The following TRPM2 variants were observed in gnomAD, a reference collection of about 807,000 sequenced individuals.
The protein encoded by TRPM2 is transient receptor potential cation channel subfamily M member 2, also known as estrogen-responsive element-associated gene 1 protein.
TRPM2 carries 161 observed loss-of-function variants against 174.0 expected under a neutral mutation model. The ratio of observed to expected loss-of-function variants is 0.93; its 90% CI spans 0.81 to 1.05. The LOEUF is 1.05. TRPM2 is among the 50% of genes least tolerant of loss of function. The probability of loss-of-function intolerance (pLI) is 0.00; values close to 1 mark genes in which losing one functional copy is unlikely to be tolerated. For missense variants in TRPM2, 2,057 were observed against 2,038.0 expected (o/e 1.01, Z -0.18); for synonymous variants, 954 against 861.3 (o/e 1.11, Z -1.88).
chr21:44,370,242 G>A (rs1387510315), intron 5 of TRPM2, among the ~76,000 whole-genome samples: 1 of 152,140 alleles, frequency 6.6e-6, no homozygotes, highest in Admixed American at 6.5e-5. Context: ...AGGGCGATCC[G>A]ACCCCGAACC....
intron 15 of TRPM2, 88 bp downstream of exon 15, chr21:44,400,459 C>T (rs2049580932): frequency 1.8e-6 from 2 of 1,129,594 alleles, no homozygotes; most frequent in African/African-American, 1.5e-5. Flanking sequence ...CCTAGATCCC[C>T]TCGCTGGGAG....
At chr21:44,433,866 G>A (rs2051124774) in intron 27 of TRPM2, among the ~76,000 whole-genome samples, 1 of 152,204 alleles carries the variant, frequency 6.6e-6, no homozygotes, top group African/African-American at 2.4e-5. Flanking sequence ...GAGGTGTGAC[G>A]AGAGCTGGGA....
chr21:44,397,976 TG>T, intron 13 of TRPM2, 100 bp downstream of exon 13: 2 of 1,366,400 alleles, frequency 1.5e-6, no homozygotes, highest in Non-Finnish European at 9.6e-7. Flanking sequence ...GCCCTCACCC[TG>T]GGGTCCTCGT....
At chr21:44,405,646 A>T (rs2065552367) in intron 17 of TRPM2, among the ~76,000 whole-genome samples, 1 of 152,110 alleles carries the variant, frequency 6.6e-6, no homozygotes, top group African/African-American at 2.4e-5. Flanking sequence ...TCTCGGAGGC[A>T]ATAGGGCCCT....
chr21:44,364,759 G>T (rs1380389354), intron 3 of TRPM2, among the ~76,000 whole-genome samples: 1 of 152,228 alleles, frequency 6.6e-6, no homozygotes, highest in African/African-American at 2.4e-5. Context: ...GAGAGTCCTT[G>T]CGAGGAGTCT....
intron 20 of TRPM2, among the ~76,000 whole-genome samples, chr21:44,417,580 GGGCGTGGCTCTGCTCTCTGT>G: frequency 9.5e-6 from 1 of 105,206 alleles, no homozygotes; most frequent in African/African-American, 4.0e-5. Flanking sequence ...GTGGGCACGT[GGGCGTGGCTCTGCTCTCTGT>G]GGCATCACAG....
chr21:44,423,692 C>A lies in TRPM2; in HGVS notation c.3509C>A (p.Ser1170Ter). 1.2e-6 allele frequency: 2 copies of A among 1,612,418 alleles called. No individual in the cohort carries two copies. The highest frequency in any genetic ancestry group is 3.3e-4 in the Middle Eastern group (2 of 6,044). The stretch of plus-strand genomic sequence containing the variant: ...CTGGACCTGGACCCACTGAAGAGGT[C>A]GGGCTCCATGGAGCAGAGGTTGGCC... ...DLLDLDPLKR[S>*]GSMEQRLASL... Residue 1170 changes from serine to a stop codon, truncating the protein, a stop_gained, in exon 23 of 32, where the codon TCG (serine) becomes TAG (stop). Coordinates refer to ENST00000397928, the MANE Select transcript of TRPM2 (RefSeq NM_003307.4). LOFTEE classifies it high-confidence loss of function.
chr21:44,378,994 C>T lies in TRPM2; in HGVS notation c.1015-3C>T. ...CGGGCTCACACCCCCACCTGCCTTG[C>T]AGACCATCGACAACGCCACCACCAA... is the stretch of plus-strand genomic sequence containing the variant. On this transcript the variant is annotated splice_polypyrimidine_tract_variant and splice_region_variant and intron_variant, in intron 7 of 31. Transcript: ENST00000397928. The T allele has an allele frequency of 6.2e-7, 1 of 1,603,242 alleles. No individual in the cohort carries two copies.
chr21:44,418,869 G>A (rs1236447859), intron 22 of TRPM2, among the ~76,000 whole-genome samples: 1 of 152,218 alleles, frequency 6.6e-6, no homozygotes, highest in East Asian at 1.9e-4. Context: ...GGGGGCATGT[G>A]CACACGGGGT....
Position 44,391,622 on chromosome 21 carries a change from C to G in TRPM2, c.1791C>G (p.Leu597=). 1.9e-6 allele frequency: 3 copies of G among 1,571,922 alleles called. No homozygotes were observed. Among genetic ancestry groups the G allele is most frequent in the Non-Finnish European group, 2.6e-6 (3 of 1,165,590 alleles). The change falls in exon 11 of 32, where the codon CTC becomes CTG. Residue 597 remains leucine (L), a synonymous_variant. Coordinates refer to ENST00000397928, the MANE Select transcript of TRPM2 (RefSeq NM_003307.4). The surrounding 1 kb of genome is among the most constrained non-coding windows in gnomAD (Gnocchi z 5.0). The part of the protein sequence containing the change: ...RLLLPVPHVK[L]NVQGVSLRSL... Reference sequence around the variant, plus strand: ...TGCTGCCCGTTCCCCACGTCAAGCTCAACGTGCGTGCTGGTAACGGGGCCC... The same window carrying G: ...TGCTGCCCGTTCCCCACGTCAAGCTGAACGTGCGTGCTGGTAACGGGGCCC...
chr21:44,400,539 G>C (rs1251423599), intron 15 of TRPM2, among the ~76,000 whole-genome samples, 168 bp downstream of exon 15: 1 of 152,220 alleles, frequency 6.6e-6, no homozygotes, highest in Non-Finnish European at 1.5e-5. Context: ...AGCAGAGCAG[G>C]GCCCCACGTG....
chr21:44,360,568 CTTT>C (rs34605236), intron 2 of TRPM2, among the ~76,000 whole-genome samples: 25 of 130,520 alleles, frequency 1.9e-4, no homozygotes, highest in Non-Finnish European at 2.3e-4. Context: ...AGTTTTATGT[CTTT>C]TTTTTTTTTT....
At chr21:44,433,316 GCTT>G (rs1257271904) in intron 27 of TRPM2, among the ~76,000 whole-genome samples, 1 of 152,238 alleles carries the variant, frequency 6.6e-6, no homozygotes, top group Non-Finnish European at 1.5e-5. Context: ...TCCTCTGTGA[GCTT>G]CTTGACCAAT....
chr21:44,394,740 C>T lies in TRPM2; in HGVS notation c.1795-674C>T, dbSNP rs139686066. On this transcript the variant is annotated intron_variant, in intron 11 of 31. Transcript: ENST00000397928. ...AGCAGAAGCTCAGGCTTATCTGTAC[C>T]TGTGGTTTAGGAAGAAAAACACATT... Among the ~76,000 whole-genome samples the T allele has an allele frequency of 5.3e-5, 8 of 152,292 alleles. No individual in the cohort carries two copies. The East Asian group carries it at 1.5e-3, about 29-fold the overall frequency.
chr21:44,437,257 GC>G (rs759163893), intron 29 of TRPM2, 90 bp downstream of exon 29: 132 of 1,072,944 alleles, frequency 1.2e-4, no homozygotes, highest in Non-Finnish European at 1.7e-4. Context: ...CTGGACACCA[GC>G]CCCCTGCAGC....
At chr21:44,437,030 G>A (rs1261587401) in intron 28 of TRPM2, 32 bp from the exon 29 acceptor site, 1 of 1,543,844 alleles carries the variant, frequency 6.5e-7, no homozygotes, top group Non-Finnish European at 8.7e-7. Context: ...GCCGCAGCGG[G>A]TCCTGGGCAG....
chr21:44,410,608 C>T (rs999706191), intron 19 of TRPM2, among the ~76,000 whole-genome samples: 6 of 70,080 alleles, frequency 8.6e-5, no homozygotes, highest in Admixed American at 1.6e-4. Flanking sequence ...AAGTTTTGAC[C>T]GCACTGTCTT....
chr21:44,426,820 C>A (rs1300920207), intron 26 of TRPM2, 84 bp downstream of exon 26: 2 of 1,550,716 alleles, frequency 1.3e-6, no homozygotes, highest in East Asian at 2.3e-5. Context: ...CCAGTCAGAG[C>A]CCAGCCCGGG....
At chr21:44,355,562 T>C (rs369196713) in intron 2 of TRPM2, among the ~76,000 whole-genome samples, 16 of 152,296 alleles carry the variant, frequency 1.1e-4, no homozygotes, top group African/African-American at 3.8e-4. Flanking sequence ...CCGCACCGTG[T>C]GTTTCTCTTT....
Sources: allele counts gnomAD v4.1 joint callset (sites outside exome capture counted in the v4.1 genomes callset), GRCh38; gene constraint gnomAD v4.1.1; non-coding constraint Gnocchi (gnomAD v3.1); transcripts MANE v1.5; gene names NCBI Gene and HGNC (gene_info 2026-07-23, HGNC 2026-07-21).